The following IGFL2 variants were observed in gnomAD, a reference collection of about 807,000 sequenced individuals.
IGFL2 encodes insulin growth factor-like family member 2.
In IGFL2, 7 loss-of-function variants were observed where a neutral mutation model predicts 13.9. The observed-to-expected ratio is 0.51, with a 90% CI of 0.29 to 0.95. The LOEUF is 0.95. IGFL2 is among the 40% of genes least tolerant of loss of function. IGFL2 has a pLI of 0.08. For missense variants in IGFL2, 138 were observed against 147.8 expected (o/e 0.93, Z 0.34); for synonymous variants, 55 against 55.8 (o/e 0.99, Z 0.07).
chr19:46,146,895 A>G (rs928936097), upstream of IGFL2, among the ~76,000 whole-genome samples: 4 of 152,164 alleles, frequency 2.6e-5, no homozygotes, highest in African/African-American at 7.2e-5. Flanking sequence ...CCTCCCACCT[A>G]TCTCACTGTG....
At chr19:46,139,360 A>G (rs1972754462), upstream of IGFL2, among the ~76,000 whole-genome samples, 1 of 151,308 alleles carries the variant, frequency 6.6e-6, no homozygotes, top group African/African-American at 2.4e-5. Context: ...TTTTTTAAAA[A>G]CGAAATCATT....
chr19:46,100,923 G>A, the IGFL2 span, among the ~76,000 whole-genome samples: 7 of 152,136 alleles, frequency 4.6e-5, no homozygotes, highest in African/African-American at 1.4e-4. Flanking sequence ...CTTTGTTGAT[G>A]CTGTTGTTGC....
At chr19:46,159,166 TC>T (rs1247724111) in intron 1 of IGFL2, 2 of 152,264 alleles carry the variant, frequency 1.3e-5, no homozygotes, top group East Asian at 3.8e-4. Context: ...CCTGTGCACT[TC>T]TGCTAGATCA....
the IGFL2 span, among the ~76,000 whole-genome samples, chr19:46,175,802 A>G: frequency 3.3e-5 from 5 of 150,340 alleles, no homozygotes; most frequent in African/African-American, 9.8e-5. Context: ...CAGCCTCCCA[A>G]AGTGCTGGGA....
the IGFL2 span, among the ~76,000 whole-genome samples, chr19:46,136,452 C>T: frequency 2.6e-5 from 4 of 151,896 alleles, no homozygotes; most frequent in African/African-American, 9.7e-5. Context: ...AAAAAAATAA[C>T]AAGAAAGGAG....
the IGFL2 span, among the ~76,000 whole-genome samples, chr19:46,114,768 G>T: frequency 6.6e-6 from 1 of 152,144 alleles, no homozygotes; most frequent in Admixed American, 6.5e-5. Flanking sequence ...CAGCCAAGCG[G>T]AACTGTGAGC....
At chr19:46,190,812 C>T in the IGFL2 span, among the ~76,000 whole-genome samples, 8 of 152,292 alleles carry the variant, frequency 5.3e-5, no homozygotes, top group East Asian at 1.9e-4. Context: ...TGCAAAATCA[C>T]GGACCTGGAT....
At chr19:46,186,254 G>T in the IGFL2 span, among the ~76,000 whole-genome samples, 1 of 152,198 alleles carries the variant, frequency 6.6e-6, no homozygotes, top group Admixed American at 6.5e-5. Flanking sequence ...CGCAGGCAGG[G>T]CACCCCCGCC....
At chr19:46,208,898 A>G in the IGFL2 span, 3 of 152,162 alleles carry the variant, frequency 2.0e-5, no homozygotes, top group Non-Finnish European at 4.4e-5. Context: ...CAGTGTGAAA[A>G]TGGACTAATA....
rs1428118120 is a variant in IGFL2, at chr19:46,160,895, C to T, written c.341+14C>T. On this transcript the variant is annotated intron_variant, in intron 3 of 3. Transcript: ENST00000377693. ...TAAATGTGAAAGGTAGGGACCCCGT[C>T]CCTGGCCAGGGGGTCGGGGGAAGGG... 6.2e-7 allele frequency: 1 copy of T among 1,612,224 alleles called. No individual in the cohort carries two copies. Among genetic ancestry groups the T allele is most frequent in the Non-Finnish European group, 8.5e-7 (1 of 1,178,444 alleles).
the IGFL2 span, chr19:46,195,172 T>C: frequency 6.6e-6 from 1 of 151,810 alleles, no homozygotes; most frequent in Non-Finnish European, 1.5e-5. Context: ...TGTGCCACCA[T>C]GCCAAGTTAA....
chr19:46,091,631 T>C, the IGFL2 span, among the ~76,000 whole-genome samples: 2 of 152,222 alleles, frequency 1.3e-5, no homozygotes, highest in African/African-American at 4.8e-5. Flanking sequence ...TAAAACAGGC[T>C]TACCATGAAA....
chr19:46,204,051 G>C, the IGFL2 span: 1 of 152,144 alleles, frequency 6.6e-6, no homozygotes, highest in Admixed American at 6.5e-5. Flanking sequence ...AATTTCACCA[G>C]ATTCCTGTCT....
chr19:46,124,484 G>A, the IGFL2 span: 19 of 1,128,572 alleles, frequency 1.7e-5, no homozygotes, highest in Admixed American at 1.3e-4. Flanking sequence ...TGAGCAGCAC[G>A]CTCAGTCACC....
At chr19:46,149,137 CAT>C in intron 1 of IGFL2, 2 of 795,854 alleles carry the variant, frequency 2.5e-6, no homozygotes, top group Non-Finnish European at 4.3e-6. Context: ...TTTGGGCAAC[CAT>C]CTCTCTCTCT....
chr19:46,078,719 G>C, the IGFL2 span, among the ~76,000 whole-genome samples: 2 of 152,268 alleles, frequency 1.3e-5, no homozygotes, highest in Non-Finnish European at 2.9e-5. Context: ...CTCTCTCTGG[G>C]GGTATTTGAG....
chr19:46,128,809 T>G, the IGFL2 span, among the ~76,000 whole-genome samples: 1 of 152,174 alleles, frequency 6.6e-6, no homozygotes, highest in Non-Finnish European at 1.5e-5. Flanking sequence ...AGCTTTCTTT[T>G]CTTGTTGTGT....
At chr19:46,113,410 A>G in the IGFL2 span, 1 of 405,858 alleles carries the variant, frequency 2.5e-6, no homozygotes, top group Non-Finnish European at 4.9e-6. Flanking sequence ...GGACATTTGG[A>G]AACTTCCATT....
the IGFL2 span, among the ~76,000 whole-genome samples, chr19:46,096,279 G>A: frequency 4.7e-4 from 72 of 152,054 alleles, no homozygotes; most frequent in African/African-American, 1.6e-3. Context: ...TCTCTTTGTA[G>A]CAATTGTGAA....
Sources: gnomAD v4.1 joint callset for allele counts (sites outside exome capture counted in the v4.1 genomes callset) on GRCh38, gnomAD v4.1.1 for gene constraint, MANE v1.5 for transcripts, NCBI Gene and HGNC (gene_info 2026-07-23, HGNC 2026-07-21) for gene names.